The following ARHGAP44 variants were observed in gnomAD, a reference collection of about 807,000 sequenced individuals.
ARHGAP44 encodes the protein Rho GTPase activating protein 44.
Under a neutral mutation model 106.8 loss-of-function variants are expected in ARHGAP44, and 43 were observed. That is an observed-to-expected ratio of 0.40 (90% CI 0.32 to 0.52). ARHGAP44 has a LOEUF of 0.52. ARHGAP44 is among the 20% of genes least tolerant of loss of function. The pLI, the probability that ARHGAP44 is intolerant of heterozygous loss-of-function variation, is 0.48. For synonymous variants in ARHGAP44, 439 were observed against 410.3 expected, an observed-to-expected ratio of 1.07 and a Z score of -0.85; for missense variants, 866 against 1,050.5, an observed-to-expected ratio of 0.82 and a Z score of 2.43.
chr17:12,792,073 A>G (rs2033778880), intron 1 of ARHGAP44, among the ~76,000 whole-genome samples: 1 of 152,062 alleles, frequency 6.6e-6, no homozygotes, highest in Non-Finnish European at 1.5e-5. Flanking sequence ...ATCTCTTCAC[A>G]TTCATGGAGC....
intron 7 of ARHGAP44, among the ~76,000 whole-genome samples, chr17:12,940,621 A>G (rs1442664822): frequency 6.6e-6 from 1 of 152,168 alleles, no homozygotes; most frequent in Admixed American, 6.5e-5. Context: ...TGATCAACCA[A>G]TCAGTGTTGA....
intron 1 of ARHGAP44, among the ~76,000 whole-genome samples, chr17:12,826,360 T>C (rs1373584239): frequency 6.6e-6 from 1 of 152,218 alleles, no homozygotes; most frequent in Non-Finnish European, 1.5e-5. Flanking sequence ...GCAGACTCTT[T>C]TATTCTCATC....
At chr17:12,807,932 A>G (rs1245344241) in intron 1 of ARHGAP44, among the ~76,000 whole-genome samples, 5 of 152,374 alleles carry the variant, frequency 3.3e-5, no homozygotes, top group Non-Finnish European at 5.9e-5. Flanking sequence ...CTTCCCAGAT[A>G]CAATGGTTAC....
intron 1 of ARHGAP44, among the ~76,000 whole-genome samples, chr17:12,854,394 C>T (rs905737562): frequency 2.0e-5 from 3 of 152,040 alleles, no homozygotes; most frequent in Non-Finnish European, 4.4e-5. Context: ...AACCATTTTT[C>T]CCCCCTTTGA....
At chr17:12,922,293 A>G (rs1481776984) in intron 6 of ARHGAP44, among the ~76,000 whole-genome samples, 2 of 152,230 alleles carry the variant, frequency 1.3e-5, no homozygotes, top group Non-Finnish European at 2.9e-5. Flanking sequence ...TCTGATGCAA[A>G]TATGAGACTA....
intron 1 of ARHGAP44, among the ~76,000 whole-genome samples, chr17:12,820,866 T>C (rs1044472872): frequency 6.6e-6 from 1 of 152,176 alleles, no homozygotes; most frequent in African/African-American, 2.4e-5. Context: ...AGAACAACCT[T>C]TGTTTCTTTC....
intron 1 of ARHGAP44, among the ~76,000 whole-genome samples, chr17:12,814,386 G>A (rs1435356881): frequency 2.6e-5 from 4 of 151,620 alleles, no homozygotes; most frequent in East Asian, 1.9e-4. Flanking sequence ...GATTACAGGC[G>A]CCTGCCACCA....
At chr17:12,946,999 C>G (rs1183543026) in intron 10 of ARHGAP44, among the ~76,000 whole-genome samples, 2 of 152,168 alleles carry the variant, frequency 1.3e-5, no homozygotes, top group Non-Finnish European at 2.9e-5. Flanking sequence ...TGTGTCAGCT[C>G]TTTACTTTTA....
chr17:12,936,405 C>G (rs569098637), intron 7 of ARHGAP44, among the ~76,000 whole-genome samples: 34 of 152,272 alleles, frequency 2.2e-4, no homozygotes, highest in African/African-American at 8.2e-4. Context: ...TGTTTACATG[C>G]TTTTGTCTTT....
At chr17:12,814,288 T>C (rs959726663) in intron 1 of ARHGAP44, among the ~76,000 whole-genome samples, 4 of 144,766 alleles carry the variant, frequency 2.8e-5, no homozygotes, top group East Asian at 2.1e-4. Context: ...TCACCCAGGC[T>C]GGAGTGCAGT....
In ARHGAP44 at chr17:12,958,570, A is replaced by G. The variant is rs867888223; in HGVS notation, c.1343-147A>G. 7.9e-5 allele frequency: 56 copies of G among 712,268 alleles called. No individual in the cohort carries two copies. In the African/African-American group the frequency reaches 8.3e-4, roughly 11 times the overall value. The allele number at this position is 712,268 out of a possible 1,614,324, so 44.1% of individuals were successfully genotyped here. On this transcript the variant is annotated intron_variant, in intron 15 of 20. Transcript: ENST00000379672. The surrounding 1 kb of genome is among the most constrained non-coding windows in gnomAD (Gnocchi z 4.1). ...TCCCCCTTTTTGGCCTGTTAATGTG[A>G]TGCATTATATTAATAAGGTGAACCA...
intron 1 of ARHGAP44, among the ~76,000 whole-genome samples, chr17:12,869,099 T>C (rs1349764314): frequency 6.6e-6 from 1 of 152,170 alleles, no homozygotes; most frequent in African/African-American, 2.4e-5. Context: ...AGAAGAAAGT[T>C]TTAAGCCTGG....
At chr17:12,989,100 CCAAAAA>C (rs1336034083) in intron 20 of ARHGAP44, among the ~76,000 whole-genome samples, 10 of 32,002 alleles carry the variant, frequency 3.1e-4, no homozygotes, top group Non-Finnish European at 7.1e-4. Flanking sequence ...TCCACCCCCC[CCAAAAA>C]AAAAAAAAAA....
At chr17:12,792,498 T>C (rs1020638912) in intron 1 of ARHGAP44, among the ~76,000 whole-genome samples, 1 of 152,132 alleles carries the variant, frequency 6.6e-6, no homozygotes, top group Non-Finnish European at 1.5e-5. Flanking sequence ...AGGGGCAGTA[T>C]CTCCTCTATT....
chr17:12,903,345 A>G (rs2037452894), intron 3 of ARHGAP44, among the ~76,000 whole-genome samples: 1 of 152,036 alleles, frequency 6.6e-6, no homozygotes, highest in Non-Finnish European at 1.5e-5. Flanking sequence ...TCCTTCCCTT[A>G]ATTCTCAAGG....
intron 1 of ARHGAP44, among the ~76,000 whole-genome samples, chr17:12,885,983 T>C (rs1227286501): frequency 6.6e-6 from 1 of 152,136 alleles, no homozygotes; most frequent in African/African-American, 2.4e-5. Context: ...TTATAACTTT[T>C]TTTAATTGAA....
intron 12 of ARHGAP44, 99 bp from the exon 13 acceptor site, chr17:12,952,402 G>A (rs2072253): frequency 0.45 from 434,013 of 967,588 alleles, 99,301 homozygotes; most frequent in East Asian, 0.64. Flanking sequence ...GTCAGTTACA[G>A]TGGTTGGTAT....
At chr17:12,811,185 C>T (rs1026250802) in intron 1 of ARHGAP44, among the ~76,000 whole-genome samples, 11 of 151,564 alleles carry the variant, frequency 7.3e-5, no homozygotes, top group African/African-American at 1.5e-4. Context: ...TGGTGGCGGG[C>T]GCCTGTAGTC....
At chr17:12,826,021 G>T (rs892685699) in intron 1 of ARHGAP44, among the ~76,000 whole-genome samples, 1 of 152,156 alleles carries the variant, frequency 6.6e-6, no homozygotes, top group African/African-American at 2.4e-5. Context: ...TTGATAAACA[G>T]TTTTGTGATT....
Sources: allele counts gnomAD v4.1 joint callset (sites outside exome capture counted in the v4.1 genomes callset), GRCh38; gene constraint gnomAD v4.1.1; non-coding constraint Gnocchi (gnomAD v3.1); transcripts MANE v1.5; gene names NCBI Gene and HGNC (gene_info 2026-07-23, HGNC 2026-07-21).